Variants in NOX4 observed in about 807,000 individuals in gnomAD.
NOX4 encodes the protein kidney oxidase-1.
In NOX4, 69 loss-of-function variants were observed where a neutral mutation model predicts 87.6. The observed-to-expected ratio is 0.79, with a 90% CI of 0.65 to 0.96. The LOEUF (loss-of-function observed/expected upper bound fraction) is 0.96. Ranked by LOEUF, NOX4 falls within the 40% of genes least tolerant of loss-of-function variation. The pLI, the probability that NOX4 is intolerant of heterozygous loss-of-function variation, is 0.00. For missense variants in NOX4, 680 were observed against 681.5 expected, an observed-to-expected ratio of 1.00 and a Z score of 0.02; for synonymous variants, 275 against 238.2, an observed-to-expected ratio of 1.15 and a Z score of -1.42.
intron 8 of NOX4, among the ~76,000 whole-genome samples, chr11:89,411,897 A>C (rs1457258368): frequency 6.6e-6 from 1 of 152,142 alleles, no homozygotes; most frequent in African/African-American, 2.4e-5. Flanking sequence ...AAACAAAAAG[A>C]CCCAATGATC....
intron 2 of NOX4, among the ~76,000 whole-genome samples, chr11:89,469,824 G>C (rs1264638600): frequency 6.6e-6 from 1 of 151,912 alleles, no homozygotes; most frequent in Non-Finnish European, 1.5e-5. Context: ...CTTGACAAAG[G>C]CTTCTCATAT....
At chr11:89,500,311 T>C (rs1947003201), upstream of NOX4, among the ~76,000 whole-genome samples, 1 of 152,158 alleles carries the variant, frequency 6.6e-6, no homozygotes, top group Admixed American at 6.6e-5. Context: ...GGCAGCATTA[T>C]GCTTCCTGTG....
intron 4 of NOX4, among the ~76,000 whole-genome samples, chr11:89,444,958 G>A (rs185991227): frequency 1.6e-4 from 24 of 152,232 alleles, no homozygotes; most frequent in Admixed American, 1.3e-3. Flanking sequence ...AGGAGGTTGG[G>A]TAAGGAAGGA....
In NOX4 at chr11:89,440,683, C is replaced by A; in HGVS notation, c.475+5G>T. 1 of 1,547,278 alleles carries A rather than the reference C, an allele frequency of 6.5e-7. No individual in the cohort carries two copies. The highest frequency in any genetic ancestry group is 8.8e-7 in the Non-Finnish European group (1 of 1,135,976). On this transcript the variant is annotated splice_donor_5th_base_variant and intron_variant, in intron 6 of 17. Transcript: ENST00000263317. ...CTAAAGAAAAGGCTAAGAATAACAA[C>A]TTACCAGTTGTGAAGAGAAGTTTTC...
In NOX4 at chr11:89,460,382, G is replaced by A. The variant is rs1020935167; in HGVS notation, c.154-8487C>T. ...CATCAGAGTGAACAGGCAACCTACG[G>A]AATGGGAGAAAATTTTTGCATTCTA... On this transcript the variant is annotated intron_variant, in intron 2 of 17. Coordinates refer to ENST00000263317, the MANE Select transcript of NOX4 (RefSeq NM_016931.5). Among the ~76,000 whole-genome samples, 21 of 152,138 alleles carry A rather than the reference G, an allele frequency of 1.4e-4. No homozygotes were observed. In the East Asian group the frequency reaches 3.3e-3, roughly 24 times the overall value.
chr11:89,339,360 A>G (rs544435165), intron 15 of NOX4, among the ~76,000 whole-genome samples: 37 of 152,306 alleles, frequency 2.4e-4, no homozygotes, highest in African/African-American at 8.9e-4. Context: ...ATTTGCATAA[A>G]CAATATAAAT....
the NOX4 span, among the ~76,000 whole-genome samples, chr11:89,564,185 A>G: frequency 6.6e-6 from 1 of 152,166 alleles, no homozygotes; most frequent in Admixed American, 6.6e-5. Context: ...CATTCTCACA[A>G]TGCTATAAAG....
At chr11:89,368,417 C>T (rs758543088) in intron 12 of NOX4, among the ~76,000 whole-genome samples, 2 of 152,064 alleles carry the variant, frequency 1.3e-5, no homozygotes, top group Admixed American at 6.6e-5. Flanking sequence ...GTTCTAAAGG[C>T]TGGGAAGTAC....
intron 2 of NOX4, among the ~76,000 whole-genome samples, chr11:89,459,282 A>T (rs1010802971): frequency 6.6e-6 from 1 of 152,110 alleles, no homozygotes; most frequent in Non-Finnish European, 1.5e-5. Flanking sequence ...AACAACAGAC[A>T]CAGGGGTCTA....
intron 11 of NOX4, among the ~76,000 whole-genome samples, chr11:89,384,041 A>C (rs1280743358): frequency 2.1e-5 from 3 of 143,478 alleles, no homozygotes; most frequent in African/African-American, 5.2e-5. Flanking sequence ...TGGCCTTTTA[A>C]AGCCTATAAA....
At chr11:89,432,133 T>C (rs1259553758) in intron 7 of NOX4, among the ~76,000 whole-genome samples, 4 of 151,860 alleles carry the variant, frequency 2.6e-5, no homozygotes, top group Admixed American at 1.3e-4. Context: ...TTCTCACTCA[T>C]AGGTGAGAAC....
the NOX4 span, among the ~76,000 whole-genome samples, chr11:89,516,865 TG>T: frequency 2.6e-5 from 4 of 152,050 alleles, no homozygotes; most frequent in Non-Finnish European, 5.9e-5. Flanking sequence ...CGTGGGTATT[TG>T]GGGAGTTCTT....
intron 2 of NOX4, among the ~76,000 whole-genome samples, chr11:89,460,971 T>C (rs1565321471): frequency 6.6e-6 from 1 of 152,182 alleles, no homozygotes; most frequent in Non-Finnish European, 1.5e-5. Flanking sequence ...CGGAATACTA[T>C]GCAGCCATAA....
At chr11:89,378,210 T>G (rs1395708336) in intron 11 of NOX4, among the ~76,000 whole-genome samples, 1 of 152,176 alleles carries the variant, frequency 6.6e-6, no homozygotes, top group Non-Finnish European at 1.5e-5. Context: ...GGCTTTATAT[T>G]CCATGTTTCT....
At chr11:89,361,026 A>G (rs965911024) in intron 12 of NOX4, among the ~76,000 whole-genome samples, 4 of 152,064 alleles carry the variant, frequency 2.6e-5, no homozygotes, top group Non-Finnish European at 5.9e-5. Flanking sequence ...GCAAATGACT[A>G]TGTACAATAC....
the NOX4 span, among the ~76,000 whole-genome samples, chr11:89,586,682 G>A: frequency 6.6e-6 from 1 of 152,098 alleles, no homozygotes; most frequent in African/African-American, 2.4e-5. Context: ...ATAAAGAAAT[G>A]TTCAAATTAA....
upstream of NOX4, among the ~76,000 whole-genome samples, chr11:89,493,952 A>T (rs1003539427): frequency 6.6e-6 from 1 of 151,924 alleles, no homozygotes; most frequent in Admixed American, 6.6e-5. Context: ...ACGGGGTTTC[A>T]CCACATTGGC....
the NOX4 span, among the ~76,000 whole-genome samples, chr11:89,519,638 A>C: frequency 6.6e-6 from 1 of 152,114 alleles, no homozygotes; most frequent in East Asian, 1.9e-4. Flanking sequence ...GAAAGAAGAG[A>C]TCAATGAAGC....
chr11:89,469,181 C>A (rs552710224), intron 2 of NOX4, among the ~76,000 whole-genome samples: 38 of 152,210 alleles, frequency 2.5e-4, no homozygotes, highest in South Asian at 8.3e-4. Context: ...ATTTTGTTCT[C>A]AACTGGAAAT....
Sources: gnomAD v4.1 joint callset for allele counts (sites outside exome capture counted in the v4.1 genomes callset) on GRCh38, gnomAD v4.1.1 for gene constraint, MANE v1.5 for transcripts, NCBI Gene and HGNC (gene_info 2026-07-23, HGNC 2026-07-21) for gene names.